Variants in FREM2 observed in about 807,000 individuals in gnomAD.
The protein encoded by FREM2 is FRAS1 related extracellular matrix 2, also known as FRAS1-related extracellular matrix protein 2.
A neutral mutation model predicts 219.9 loss-of-function variants in FREM2; 119 were observed. The ratio of observed to expected loss-of-function variants is 0.54; its 90% CI spans 0.47 to 0.63. The LOEUF is 0.63. FREM2 is among the 30% of genes least tolerant of loss of function. FREM2 has a pLI of 0.00. For missense variants in FREM2, 4,030 were observed against 3,993.6 expected (o/e 1.01, Z -0.25); for synonymous variants, 1,562 against 1,522.8 (o/e 1.03, Z -0.60).
At chr13:38,830,964 G>C (rs1337087417) in intron 6 of FREM2, among the ~76,000 whole-genome samples, 2 of 152,026 alleles carry the variant, frequency 1.3e-5, no homozygotes, top group Admixed American at 1.3e-4. Context: ...GAGAAATGTT[G>C]GTTTTGTTGA....
intron 6 of FREM2, among the ~76,000 whole-genome samples, chr13:38,820,250 C>T (rs1190483693): frequency 4.6e-5 from 7 of 152,110 alleles, no homozygotes; most frequent in Non-Finnish European, 4.4e-5. Flanking sequence ...CATTTTGGCT[C>T]TCTTGTCAAG....
chr13:38,747,299 A>G (rs1872522610), intron 2 of FREM2, among the ~76,000 whole-genome samples: 2 of 152,018 alleles, frequency 1.3e-5, no homozygotes, highest in African/African-American at 4.8e-5. Context: ...TTATTCTTTG[A>G]AGGGTACTCA....
rs145327843 is a variant in FREM2, at chr13:38,819,868, G to A, written c.6020-26705G>A. On this transcript the variant is annotated intron_variant, in intron 6 of 23. Transcript: ENST00000280481. The stretch of plus-strand genomic sequence containing the variant: ...AAGAGACTATGGCATTAACAACTAC[G>A]CAGCACACTTCATATTATACTAGCA... Among the ~76,000 whole-genome samples the A allele has an allele frequency of 2.5e-3, 374 of 152,122 alleles. 1 individual carries two copies. In the Middle Eastern group the frequency reaches 0.041, roughly 17 times the overall value.
intron 6 of FREM2, among the ~76,000 whole-genome samples, chr13:38,810,724 T>C (rs2137862821): frequency 6.6e-6 from 1 of 152,162 alleles, no homozygotes; most frequent in African/African-American, 2.4e-5. Flanking sequence ...TTTTCTAGTA[T>C]TTCATTGAGG....
chr13:38,727,230 G>C (rs1031033527), intron 2 of FREM2, among the ~76,000 whole-genome samples: 1 of 152,070 alleles, frequency 6.6e-6, no homozygotes, highest in African/African-American at 2.4e-5. Flanking sequence ...AATTCTAAAA[G>C]AATAATTCTG....
chr13:38,825,461 C>T (rs9594298), intron 6 of FREM2, among the ~76,000 whole-genome samples: 27,105 of 151,890 alleles, frequency 0.18, 3,177 homozygotes, highest in East Asian at 0.33. Flanking sequence ...GTAGTATATT[C>T]ACAGAATATC....
intron 4 of FREM2, among the ~76,000 whole-genome samples, chr13:38,782,277 C>T (rs1203484133): frequency 2.6e-5 from 4 of 152,150 alleles, no homozygotes; most frequent in Admixed American, 2.6e-4. Flanking sequence ...TTGGGGTTTA[C>T]AATGTCAAAC....
intron 3 of FREM2, 22 bp downstream of exon 3, chr13:38,764,472 T>G: frequency 7.4e-7 from 1 of 1,358,866 alleles, no homozygotes; most frequent in Non-Finnish European, 1.0e-6. Flanking sequence ...TTTTTATTTC[T>G]GTTTTAAAAT....
At position 38,880,918 on chromosome 13, in the gene FREM2, A is replaced by T; in HGVS notation, c.*131A>T. On this transcript the variant is annotated 3_prime_UTR_variant, in exon 24 of 24. Transcript: ENST00000280481. ...GAAGCTGCTTAGAGAATATGACTGT[A>T]CTAATGGAGTTTGATTTGAATTCTC... 1 of 1,069,456 alleles carries T rather than the reference A, an allele frequency of 9.4e-7. No individual in the cohort carries two copies. The highest frequency in any genetic ancestry group is 1.4e-6 in the Non-Finnish European group (1 of 715,952). The allele number at this position is 1,069,456 out of a possible 1,614,324, so 66.2% of individuals were successfully genotyped here.
intron 6 of FREM2, among the ~76,000 whole-genome samples, chr13:38,844,731 G>C (rs889390502): frequency 6.6e-6 from 1 of 152,206 alleles, no homozygotes; most frequent in Non-Finnish European, 1.5e-5. Flanking sequence ...TTTGGGTGCT[G>C]ATGTGGTTTG....
At chr13:38,710,445 T>C (rs550773482) in intron 2 of FREM2, among the ~76,000 whole-genome samples, 1 of 152,320 alleles carries the variant, frequency 6.6e-6, no homozygotes, top group African/African-American at 2.4e-5. Context: ...ATTTTGGCCT[T>C]GAACCCTGGC....
In FREM2 at chr13:38,832,393, A is replaced by G. The variant is rs150651169; in HGVS notation, c.6020-14180A>G. ...TTCTTCTTCGTTTTTCTTAGTTGCA[A>G]AAGGAATCAATGCTACTTGAAAAAG... On this transcript the variant is annotated intron_variant, in intron 6 of 23. Coordinates refer to ENST00000280481, the MANE Select transcript of FREM2 (RefSeq NM_207361.6). Among the ~76,000 whole-genome samples, 1,040 of 152,264 alleles carry G rather than the reference A, an allele frequency of 6.8e-3. 15 individuals carry two copies. Among genetic ancestry groups the G allele is most frequent in the African/African-American group, 0.024 (990 of 41,560 alleles).
chr13:38,841,631 C>G (rs543858075), intron 6 of FREM2, among the ~76,000 whole-genome samples: 1 of 151,838 alleles, frequency 6.6e-6, no homozygotes, highest in Non-Finnish European at 1.5e-5. Context: ...AATTTCTTGC[C>G]GATTCGAAGG....
At chr13:38,805,622 G>C (rs570614389) in intron 6 of FREM2, among the ~76,000 whole-genome samples, 7 of 152,014 alleles carry the variant, frequency 4.6e-5, no homozygotes, top group African/African-American at 1.7e-4. Context: ...CTACAAGAAA[G>C]AGAAGAGAGG....
rs114087410 is a variant in FREM2 at position 38,769,661 on chromosome 13, C to A, written c.5494C>A (p.Gln1832Lys). ...AQKQVQFNPG[Q>K]TRATWRVRIL... ...GAAACAAGTGCAGTTCAACCCAGGC[C>A]AGACCAGGGCCACATGGCGAGTGCG... Residue 1832 changes from glutamine to lysine, a missense_variant, in exon 4 of 24, where the codon CAG (glutamine) becomes AAG (lysine). Physicochemically the swap from Gln to Lys is moderately conservative, Grantham distance 53. Around this residue, in one of 2 missense-constraint regions of FREM2, gnomAD observed 3,102 missense variants for 2,950.7 expected, o/e 1.05. Transcript: ENST00000280481. The A allele has an allele frequency of 1.5e-4, 241 of 1,614,172 alleles. No homozygotes were observed. Among genetic ancestry groups the A allele is most frequent in the Non-Finnish European group, 1.9e-4 (230 of 1,180,010 alleles).
chr13:38,838,383 G>T (rs1191873799), intron 6 of FREM2, among the ~76,000 whole-genome samples: 1 of 152,122 alleles, frequency 6.6e-6, no homozygotes, highest in Non-Finnish European at 1.5e-5. Context: ...CTCTCTGGCT[G>T]CCCGCAACAT....
At chr13:38,709,669 T>A (rs928668634) in intron 2 of FREM2, among the ~76,000 whole-genome samples, 2 of 152,136 alleles carry the variant, frequency 1.3e-5, no homozygotes, top group African/African-American at 2.4e-5. Flanking sequence ...ATCACACGGA[T>A]AATTTAAAAA....
intron 2 of FREM2, among the ~76,000 whole-genome samples, chr13:38,711,143 T>A (rs961356097): frequency 2.6e-5 from 4 of 152,224 alleles, no homozygotes; most frequent in Non-Finnish European, 5.9e-5. Context: ...GTTTACACCC[T>A]TGTCTTAATG....
At chr13:38,863,424 A>G (rs1325816219) in intron 15 of FREM2, among the ~76,000 whole-genome samples, 2 of 152,234 alleles carry the variant, frequency 1.3e-5, no homozygotes, top group East Asian at 1.9e-4. Context: ...TATGTGGGTG[A>G]TATCTATAAA....
Sources: allele counts gnomAD v4.1 joint callset (sites outside exome capture counted in the v4.1 genomes callset), GRCh38; gene constraint gnomAD v4.1.1; regional missense constraint gnomAD v4.1.1; transcripts MANE v1.5; gene names NCBI Gene and HGNC (gene_info 2026-07-23, HGNC 2026-07-21).